The following LARGE1 variants were observed in gnomAD, a reference collection of about 807,000 sequenced individuals.
LARGE1 encodes LARGE xylosyl- and glucuronyltransferase 1.
LARGE1 carries 43 observed loss-of-function variants against 87.6 expected under a neutral mutation model. The observed-to-expected ratio is 0.49, with a 90% CI of 0.38 to 0.63. The LOEUF (loss-of-function observed/expected upper bound fraction) is 0.63. Ranked by LOEUF, LARGE1 falls within the 30% of genes least tolerant of loss-of-function variation. The probability of loss-of-function intolerance (pLI) is 0.00; values close to 1 mark genes in which losing one functional copy is unlikely to be tolerated. For synonymous variants in LARGE1, 434 were observed against 394.6 expected (o/e 1.10, Z -1.18); for missense variants, 802 against 1,000.2 (o/e 0.80, Z 2.67).
intron 1 of LARGE1, chr22:33,856,593 A>C (rs1254020973): frequency 1.3e-5 from 2 of 152,266 alleles, no homozygotes; most frequent in Non-Finnish European, 2.9e-5. Flanking sequence ...GACAACGCCA[A>C]GCCCTAGGCT....
At chr22:33,586,319 C>T (rs1194888045) in intron 5 of LARGE1, among the ~76,000 whole-genome samples, 2 of 152,286 alleles carry the variant, frequency 1.3e-5, no homozygotes, top group African/African-American at 4.8e-5. Flanking sequence ...TTATCCCTTG[C>T]AAGTCCTTCT....
chr22:33,789,138 A>G (rs560342333), intron 1 of LARGE1, among the ~76,000 whole-genome samples: 28 of 152,330 alleles, frequency 1.8e-4, no homozygotes, highest in Non-Finnish European at 3.2e-4. Flanking sequence ...GGTCAGGCCC[A>G]GGGCCTTGCT....
intron 2 of LARGE1, among the ~76,000 whole-genome samples, chr22:33,749,969 A>T (rs2084251712): frequency 6.6e-6 from 1 of 152,188 alleles, no homozygotes; most frequent in Non-Finnish European, 1.5e-5. Flanking sequence ...CAAACGGTAC[A>T]ACGTCCCTGA....
At chr22:33,153,177 TA>T in the LARGE1 span, among the ~76,000 whole-genome samples, 5 of 152,198 alleles carry the variant, frequency 3.3e-5, no homozygotes, top group Non-Finnish European at 5.9e-5. Context: ...TTTTTTCATT[TA>T]TTTTTTATTT....
At chr22:33,450,757 C>A (rs562287512) in intron 6 of LARGE1, among the ~76,000 whole-genome samples, 2 of 152,082 alleles carry the variant, frequency 1.3e-5, no homozygotes, top group East Asian at 3.9e-4. Context: ...AATGATATTC[C>A]CAAGATCACA....
chr22:33,794,072 T>C (rs1053419766), intron 1 of LARGE1, among the ~76,000 whole-genome samples: 2 of 152,088 alleles, frequency 1.3e-5, no homozygotes, highest in Non-Finnish European at 2.9e-5. Context: ...AGCATGAAGA[T>C]GGTAAGTTTA....
exon 12 of LARGE1, chr22:33,165,377 G>C (rs573488102): frequency 6.6e-6 from 1 of 152,284 alleles, no homozygotes; most frequent in South Asian, 2.1e-4. Context: ...CCAGGGATTT[G>C]CTGCAGTTTG....
chr22:33,123,449 G>A, the LARGE1 span, among the ~76,000 whole-genome samples: 7 of 152,170 alleles, frequency 4.6e-5, no homozygotes, highest in Non-Finnish European at 8.8e-5. Context: ...AGGCCTATGG[G>A]ATGCTCACTG....
intron 8 of LARGE1, among the ~76,000 whole-genome samples, chr22:33,383,253 G>C (rs559345374): frequency 1.3e-5 from 2 of 152,254 alleles, no homozygotes; most frequent in South Asian, 4.2e-4. Context: ...ATGAGGAATA[G>C]GTTTTTAAAA....
At chr22:33,213,621 C>T (rs565541790) in intron 11 of LARGE1, among the ~76,000 whole-genome samples, 3 of 152,106 alleles carry the variant, frequency 2.0e-5, no homozygotes, top group Admixed American at 6.6e-5. Flanking sequence ...AGCAAAAAGA[C>T]GATGATTCAC....
At chr22:33,683,017 T>C (rs2081829272) in intron 2 of LARGE1, among the ~76,000 whole-genome samples, 1 of 152,236 alleles carries the variant, frequency 6.6e-6, no homozygotes, top group African/African-American at 2.4e-5. Flanking sequence ...GATGGTCTCC[T>C]ATATGACAAG....
intron 2 of LARGE1, among the ~76,000 whole-genome samples, chr22:33,744,638 G>A (rs557530129): frequency 4.6e-5 from 7 of 152,316 alleles, no homozygotes; most frequent in East Asian, 1.9e-4. Context: ...TCATTGCACC[G>A]GGGACACACT....
At chr22:33,303,095 T>C (rs76685962) in intron 12 of LARGE1, among the ~76,000 whole-genome samples, 6,020 of 152,270 alleles carry the variant, frequency 0.04, 404 homozygotes, top group African/African-American at 0.14. Context: ...ATGGGACCTT[T>C]GGGCCATATG....
chr22:33,416,554 T>C (rs1448040032), intron 7 of LARGE1, among the ~76,000 whole-genome samples: 2 of 152,146 alleles, frequency 1.3e-5, no homozygotes, highest in Admixed American at 1.3e-4. Flanking sequence ...TGTGTTTTTT[T>C]TGGGGGGCGG....
intron 5 of LARGE1, among the ~76,000 whole-genome samples, chr22:33,600,250 G>A (rs978730354): frequency 6.6e-6 from 1 of 152,144 alleles, no homozygotes; most frequent in African/African-American, 2.4e-5. Context: ...CATTTAGCAA[G>A]CATCTTTATG....
chr22:33,519,722 A>C (rs999997883), intron 6 of LARGE1, among the ~76,000 whole-genome samples: 1 of 152,188 alleles, frequency 6.6e-6, no homozygotes, highest in African/African-American at 2.4e-5. Context: ...AGTATTTTAG[A>C]AGTGAAAAAC....
At chr22:33,126,430 C>T in the LARGE1 span, among the ~76,000 whole-genome samples, 2 of 152,104 alleles carry the variant, frequency 1.3e-5, no homozygotes, top group African/African-American at 4.8e-5. Context: ...ATTTTATAAA[C>T]CTTTATATGT....
At chr22:33,753,103 C>G (rs1306777029) in intron 2 of LARGE1, among the ~76,000 whole-genome samples, 1 of 152,070 alleles carries the variant, frequency 6.6e-6, no homozygotes, top group African/African-American at 2.4e-5. Context: ...GCCTGTAATC[C>G]CAGCTACTCA....
intron 9 of LARGE1, among the ~76,000 whole-genome samples, chr22:33,361,338 G>C (rs1380388037): frequency 6.7e-6 from 1 of 149,818 alleles, no homozygotes; most frequent in Non-Finnish European, 1.5e-5. Flanking sequence ...ACAGGGGTTT[G>C]ACACAACAAC....
Sources: allele counts gnomAD v4.1 joint callset (sites outside exome capture counted in the v4.1 genomes callset), GRCh38; gene constraint gnomAD v4.1.1; transcripts MANE v1.5; gene names NCBI Gene and HGNC (gene_info 2026-07-23, HGNC 2026-07-21).